LTBP4: variants seen among roughly 807,000 people sequenced by gnomAD.
LTBP4 encodes the protein latent-transforming growth factor beta-binding protein 4.
Under a neutral mutation model 180.2 loss-of-function variants are expected in LTBP4, and 93 were observed. The observed-to-expected ratio is 0.52, with a 90% CI of 0.44 to 0.61. The LOEUF (loss-of-function observed/expected upper bound fraction) is 0.61. LTBP4 is among the 20% of genes least tolerant of loss of function. The pLI is 0.00. For synonymous variants in LTBP4, 947 were observed against 934.5 expected, an observed-to-expected ratio of 1.01 and a Z score of -0.24; for missense variants, 2,116 against 2,256.5, an observed-to-expected ratio of 0.94 and a Z score of 1.26.
chr19:40,593,263 G>T, intron 1 of LTBP4: 1 of 1,549,988 alleles, frequency 6.5e-7, no homozygotes, highest in South Asian at 1.1e-5. Flanking sequence ...TTGTTTTTGA[G>T]ACAGGGTCTT....
In LTBP4 at chr19:40,622,352, G is replaced by A. The variant is rs573503539; in HGVS notation, c.3218-49G>A. The A allele has an allele frequency of 2.8e-5, 41 of 1,454,112 alleles. No homozygotes were observed. Among genetic ancestry groups the A allele is most frequent in the Admixed American group, 1.0e-4 (4 of 39,512 alleles). The allele number at this position is 1,454,112 out of a possible 1,614,324, so 90.1% of individuals were successfully genotyped here. On this transcript the variant is annotated intron_variant, in intron 22 of 29. Coordinates refer to ENST00000396819, the MANE Select transcript of LTBP4 (RefSeq NM_001042545.2). The surrounding 1 kb of genome is among the most constrained non-coding windows in gnomAD (Gnocchi z 5.1). The stretch of plus-strand genomic sequence containing the variant: ...CAGTTTCCCCATCTATGATAGTGGC[G>A]GGGCTGGGGATTCAGCCCACACTGG...
chr19:40,611,165 C>G lies in LTBP4; in HGVS notation c.1824C>G (p.Cys608Trp), dbSNP rs1441736900. 3 of 1,612,904 alleles carry G rather than the reference C, an allele frequency of 1.9e-6. No homozygotes were observed. In the African/African-American group the frequency reaches 4.0e-5, roughly 22 times the overall value. Residue 608 changes from cysteine (C) to tryptophan (W), a missense_variant, in exon 13 of 30, where the codon TGC (cysteine) becomes TGG (tryptophan). Cys to Trp is a radical substitution (Grantham distance 215, BLOSUM62 -2). This residue lies in a region of LTBP4 where 877 missense variants were observed against 873.6 expected (regional missense o/e 1.00). Coordinates refer to ENST00000396819, the MANE Select transcript of LTBP4 (RefSeq NM_001042545.2). This position sits in a 1 kb window ranked among gnomAD's most constrained non-coding sequence, Gnocchi z 4.4. ...HGASCQDVDE[C>W]TQSPGLCGRG... is the part of the protein sequence containing the mutation. ...TGCCCTGTGCAGATGTGGATGAATGCACCCAGAGCCCAGGCCTGTGTGGCC... is the reference window on the plus strand; with the variant it reads ...TGCCCTGTGCAGATGTGGATGAATGGACCCAGAGCCCAGGCCTGTGTGGCC...
At chr19:40,625,271 TATATATATATATATATATATATA>T (rs2081617927) in intron 26 of LTBP4, among the ~76,000 whole-genome samples, 1 of 5,852 alleles carries the variant, frequency 1.7e-4, no homozygotes, top group Admixed American at 1.4e-3. Flanking sequence ...TATATATATA[TATATATATATATATATATATATA>T]TATATATATA....
At chr19:40,627,975 G>C in intron 29 of LTBP4, 118 bp downstream of exon 29, 1 of 1,344,252 alleles carries the variant, frequency 7.4e-7, no homozygotes, top group Non-Finnish European at 9.9e-7. Flanking sequence ...TACAGGGGAC[G>C]GGCCAGCGCA....
upstream of LTBP4, chr19:40,599,477 C>T: frequency 6.2e-7 from 1 of 1,613,900 alleles, no homozygotes; most frequent in African/African-American, 1.3e-5. Context: ...CCAGCGGTGC[C>T]TGAACCCAGT....
intron 1 of LTBP4, 78 bp from the exon 2 acceptor site, chr19:40,604,957 A>AT: frequency 7.5e-7 from 1 of 1,325,030 alleles, no homozygotes; most frequent in Non-Finnish European, 1.0e-6. Flanking sequence ...GAAATGAATG[A>AT]TACCTTGAGG....
chr19:40,625,636 G>A (rs2081628283), intron 26 of LTBP4, among the ~76,000 whole-genome samples: 1 of 152,110 alleles, frequency 6.6e-6, no homozygotes, highest in African/African-American at 2.4e-5. Context: ...CCCAGTCATT[G>A]GACACCTTCT....
chr19:40,628,267 G>A (rs2081652011), intron 29 of LTBP4, among the ~76,000 whole-genome samples: 3 of 152,190 alleles, frequency 2.0e-5, no homozygotes, highest in Admixed American at 6.5e-5. Context: ...ATAGCCGGGC[G>A]CAGTGGCTCA....
chr19:40,614,065 C>T, intron 18 of LTBP4, 27 bp downstream of exon 18: 1 of 1,609,552 alleles, frequency 6.2e-7, no homozygotes, highest in Non-Finnish European at 8.5e-7. Flanking sequence ...CGGCCTGATC[C>T]CTCCTCCCTT....
rs148982016 is a variant in LTBP4, at chr19:40,608,890, G to A, written c.1426+287G>A. On this transcript the variant is annotated intron_variant, in intron 9 of 29. Coordinates refer to ENST00000396819, the MANE Select transcript of LTBP4 (RefSeq NM_001042545.2). ...CGTGCCATTGCACTCCAGCTTGAGC[G>A]ACACTCCATCTCAAAAAAAAAAAAA... 463 of 136,762 alleles carry A rather than the reference G, an allele frequency of 3.4e-3. 1 individual carries two copies. Among genetic ancestry groups the A allele is most frequent in the African/African-American group, 0.02 (433 of 21,952 alleles). 8.5% of individuals were successfully genotyped at this position (136,762 alleles called of 1,614,324 possible). A position where few individuals can be genotyped will look rare whatever the true frequency, so the allele number is the denominator to read the frequency against.
chr19:40,608,147 G>A, intron 7 of LTBP4, 73 bp from the exon 8 acceptor site: 1 of 1,563,846 alleles, frequency 6.4e-7, no homozygotes, highest in African/African-American at 1.4e-5. Context: ...CCTAGCCAAG[G>A]CCAGAGTCTG....
In LTBP4 at chr19:40,629,304, C is replaced by A; in HGVS notation, c.4520-92C>A. On this transcript the variant is annotated intron_variant, in intron 29 of 29. Coordinates refer to ENST00000396819, the MANE Select transcript of LTBP4 (RefSeq NM_001042545.2). The surrounding 1 kb of genome is among the most constrained non-coding windows in gnomAD (Gnocchi z 4.5). ...GATTGGACTCCAAACTGCTCAGCAT[C>A]TGTGCTCCTCTGTTCCAAGAACTTA... is the stretch of plus-strand genomic sequence containing the variant. 6.5e-7 allele frequency: 1 copy of A among 1,546,928 alleles called. No homozygotes were observed. The highest frequency in any genetic ancestry group is 8.9e-7 in the Non-Finnish European group (1 of 1,122,568).
At chr19:40,608,442 A>G in intron 8 of LTBP4, 42 bp from the exon 9 acceptor site, 2 of 1,594,152 alleles carry the variant, frequency 1.3e-6, no homozygotes, top group Non-Finnish European at 1.7e-6. Flanking sequence ...AGGAGGCAAG[A>G]GAGGATTTGG....
rs941117299 is a variant in LTBP4, at chr19:40,610,408, G to C, written c.1685-124G>C. On this transcript the variant is annotated intron_variant, in intron 11 of 29. Coordinates refer to ENST00000396819, the MANE Select transcript of LTBP4 (RefSeq NM_001042545.2). The stretch of plus-strand genomic sequence containing the variant: ...GTGCCCCTCTCCGGCTGTCCTGGCC[G>C]GGTCCCCATCCTGGCTCTGGCCCAA... The C allele has an allele frequency of 1.3e-5, 15 of 1,176,316 alleles. 1 individual carries two copies. The highest frequency in any genetic ancestry group is 1.5e-5 in the Non-Finnish European group (13 of 848,788). The allele number at this position is 1,176,316 out of a possible 1,614,324, so 72.9% of individuals were successfully genotyped here. A position where few individuals can be genotyped will look rare whatever the true frequency, so the allele number is the denominator to read the frequency against.
At chr19:40,612,265 G>A (rs1167043388) in intron 15 of LTBP4, 73 bp downstream of exon 15, 1 of 1,502,862 alleles carries the variant, frequency 6.7e-7, no homozygotes, top group Non-Finnish European at 8.9e-7. Context: ...TCACAACTAT[G>A]ACCTGGCCGT....
rs1238721350 is a variant in LTBP4 at position 40,609,173 on chromosome 19, TCTGA to T, written c.1427-355_1427-352del. ...TGGTTGTTGAGATGCCTCTGAAGTG[TCTGA>T]CACCTAGTAAGTGCTCAGATAAATA... On this transcript the variant is annotated intron_variant, in intron 9 of 29. Transcript: ENST00000396819. The surrounding 1 kb of genome is among the most constrained non-coding windows in gnomAD (Gnocchi z 4.9). 2.6e-5 allele frequency among the ~76,000 whole-genome samples: 4 copies of T among 152,188 alleles called. No homozygotes were observed. Among genetic ancestry groups the T allele is most frequent in the Non-Finnish European group, 4.4e-5 (3 of 68,038 alleles).
chr19:40,627,660 T>A, intron 28 of LTBP4, 45 bp from the exon 29 acceptor site: 1 of 1,554,128 alleles, frequency 6.4e-7, no homozygotes, highest in South Asian at 1.2e-5. Flanking sequence ...GGGTAAGGGG[T>A]GAAGGCAGGG....
At chr19:40,597,069 GCGGCGC>G (rs1179154572), upstream of LTBP4, among the ~76,000 whole-genome samples, 1 of 152,076 alleles carries the variant, frequency 6.6e-6, no homozygotes, top group African/African-American at 2.4e-5. Flanking sequence ...GCGAGCGCTG[GCGGCGC>G]CGGGCTGTGA....
chr19:40,615,848 C>G (rs1225859647), intron 19 of LTBP4, among the ~76,000 whole-genome samples: 1 of 152,134 alleles, frequency 6.6e-6, no homozygotes, highest in Non-Finnish European at 1.5e-5. Context: ...GACACAAATC[C>G]CTGCTATTGT....
Sources: allele counts gnomAD v4.1 joint callset (sites outside exome capture counted in the v4.1 genomes callset), GRCh38; gene constraint gnomAD v4.1.1; regional missense constraint gnomAD v4.1.1; non-coding constraint Gnocchi (gnomAD v3.1); transcripts MANE v1.5; gene names NCBI Gene and HGNC (gene_info 2026-07-23, HGNC 2026-07-21).